The following AGPAT4 variants were observed in gnomAD, a reference collection of about 807,000 sequenced individuals.
The protein encoded by AGPAT4 is 1-acylglycerol-3-phosphate O-acyltransferase 4.
In AGPAT4, 15 loss-of-function variants were observed where a neutral mutation model predicts 48.0. That is an observed-to-expected ratio of 0.31 (90% CI 0.21 to 0.48). The LOEUF (loss-of-function observed/expected upper bound fraction) is 0.48, where lower values mean the gene tolerates loss of function less well. AGPAT4 is among the 20% of genes least tolerant of loss of function. The pLI is 0.99. For missense variants in AGPAT4, 314 were observed against 482.5 expected (o/e 0.65, Z 3.27); for synonymous variants, 178 against 198.7 (o/e 0.90, Z 0.88).
chr6:161,152,905 C>A (rs1381539377), intron 5 of AGPAT4, among the ~76,000 whole-genome samples: 1 of 151,978 alleles, frequency 6.6e-6, no homozygotes, highest in Non-Finnish European at 1.5e-5. Flanking sequence ...TTGCTATTTT[C>A]TTCTTCTTAC....
Position 161,267,623 on chromosome 6 carries a change from G to A in AGPAT4, c.-90+6315C>T, listed in dbSNP as rs569825620. ...TATAGTCCCAGCTACTCAGGAGGCT[G>A]AGGCAGGAGAATCGCTTGAACCCAG... On this transcript the variant is annotated intron_variant, in intron 1 of 8. Coordinates refer to ENST00000320285, the MANE Select transcript of AGPAT4 (RefSeq NM_020133.3). This position sits in a 1 kb window ranked among gnomAD's most constrained non-coding sequence, Gnocchi z 5.2. Among the ~76,000 whole-genome samples, 97 of 152,206 alleles carry A rather than the reference G, an allele frequency of 6.4e-4. No homozygotes were observed. The highest frequency in any genetic ancestry group is 2.2e-3 in the African/African-American group (92 of 41,522).
At position 161,240,261 on chromosome 6, in the gene AGPAT4, CACACACTT is replaced by C. The variant is rs912260254; in HGVS notation, c.-89-7967_-89-7960del. On this transcript the variant is annotated intron_variant, in intron 1 of 8. Transcript: ENST00000320285. The surrounding 1 kb of genome is among the most constrained non-coding windows in gnomAD (Gnocchi z 5.5). ...ACACACACACACACACACACACACA[CACACACTT>C]AAACAAGTCTGTCCACCTGGAAGCC... 7.8e-6 allele frequency among the ~76,000 whole-genome samples: 1 copy of C among 128,086 alleles called. No individual in the cohort carries two copies. The highest frequency in any genetic ancestry group is 2.9e-5 in the African/African-American group (1 of 34,818). The allele number at this position is 128,086 out of a possible 152,430, so 84.0% of individuals were successfully genotyped here. A position where few individuals can be genotyped will look rare whatever the true frequency, so the allele number is the denominator to read the frequency against.
rs1248232617 is a variant in AGPAT4 at position 161,245,681 on chromosome 6, C to G, written c.-89-13379G>C. 2.0e-5 allele frequency among the ~76,000 whole-genome samples: 3 copies of G among 152,124 alleles called. No individual in the cohort carries two copies. The East Asian group carries it at 5.8e-4, about 29-fold the overall frequency. On this transcript the variant is annotated intron_variant, in intron 1 of 8. Transcript: ENST00000320285. This position sits in a 1 kb window ranked among gnomAD's most constrained non-coding sequence, Gnocchi z 5.2. The stretch of plus-strand genomic sequence containing the variant: ...CTCTTTTCTCTTTGGTAGGCCCCTC[C>G]CTCTCCTACTCACTGTCCGTGAAGT...
chr6:161,172,978 C>T (rs1047108356), intron 2 of AGPAT4, among the ~76,000 whole-genome samples: 2 of 152,108 alleles, frequency 1.3e-5, no homozygotes, highest in African/African-American at 2.4e-5. Flanking sequence ...TGAACTCATC[C>T]TTTTTTATGG....
In AGPAT4 at chr6:161,134,401, A is replaced by AAAAAT. The variant is rs896421810; in HGVS notation, c.*2134_*2138dup. On this transcript the variant is annotated 3_prime_UTR_variant, in exon 9 of 9. Transcript: ENST00000320285. The stretch of plus-strand genomic sequence containing the variant: ...TGTTGAATGGAAGAATGAAAATGAG[A>AAAAAT]AAAATAACACATTTTTAGTACGACA... 6.6e-6 allele frequency: 1 copy of AAAAAT among 152,170 alleles called. No homozygotes were observed. Among genetic ancestry groups the AAAAAT allele is most frequent in the Non-Finnish European group, 1.5e-5 (1 of 68,028 alleles). The allele number at this position is 152,170 out of a possible 1,614,324, so 9.4% of individuals were successfully genotyped here. A position where few individuals can be genotyped will look rare whatever the true frequency, so the allele number is the denominator to read the frequency against.
At chr6:161,181,764 T>C (rs954434922) in intron 2 of AGPAT4, among the ~76,000 whole-genome samples, 1 of 151,970 alleles carries the variant, frequency 6.6e-6, no homozygotes, top group African/African-American at 2.4e-5. Flanking sequence ...CACTCACACG[T>C]CCGCACCATC....
At position 161,144,352 on chromosome 6, in the gene AGPAT4, GA is replaced by G; in HGVS notation, c.843+2171del. 4 of 385,204 alleles carry G rather than the reference GA, an allele frequency of 1.0e-5. No homozygotes were observed. Among genetic ancestry groups the G allele is most frequent in the South Asian group, 7.7e-5 (4 of 51,666 alleles). The allele number at this position is 385,204 out of a possible 1,614,324, so 23.9% of individuals were successfully genotyped here. Reference sequence around the variant, plus strand: ...ACTGGGTAAATCACTTCATCTTTCGGACCTGAATTTCCTCATCAGTAGTGTA... The same window carrying G: ...ACTGGGTAAATCACTTCATCTTTCGGCCTGAATTTCCTCATCAGTAGTGTA... On this transcript the variant is annotated intron_variant, in intron 7 of 8. Transcript: ENST00000320285. The surrounding 1 kb of genome is among the most constrained non-coding windows in gnomAD (Gnocchi z 6.6).
In AGPAT4 at chr6:161,221,521, C is replaced by T. The variant is rs1583342949; in HGVS notation, c.178+10515G>A. Among the ~76,000 whole-genome samples, 2 of 152,140 alleles carry T rather than the reference C, an allele frequency of 1.3e-5. No individual in the cohort carries two copies. Among genetic ancestry groups the T allele is most frequent in the Non-Finnish European group, 2.9e-5 (2 of 68,022 alleles). ...AGAAATAGATACCATATTAATGTGT[C>T]ATTTATCACGAAACTGGACTTCACT... On this transcript the variant is annotated intron_variant, in intron 2 of 8. Coordinates refer to ENST00000320285, the MANE Select transcript of AGPAT4 (RefSeq NM_020133.3). The surrounding 1 kb of genome is among the most constrained non-coding windows in gnomAD (Gnocchi z 4.5).
At position 161,200,541 on chromosome 6, in the gene AGPAT4, T is replaced by C. The variant is rs1314012761; in HGVS notation, c.178+31495A>G. Among the ~76,000 whole-genome samples, 1 of 152,228 alleles carries C rather than the reference T, an allele frequency of 6.6e-6. No homozygotes were observed. Among genetic ancestry groups the C allele is most frequent in the African/African-American group, 2.4e-5 (1 of 41,466 alleles). On this transcript the variant is annotated intron_variant, in intron 2 of 8. Coordinates refer to ENST00000320285, the MANE Select transcript of AGPAT4 (RefSeq NM_020133.3). This position sits in a 1 kb window ranked among gnomAD's most constrained non-coding sequence, Gnocchi z 5.5. ...TCTGGACAAGGGGAAAAACAGTGTGTGTGCTTGGGCATAACCACAGGGTAG... is the reference window on the plus strand; with the variant it reads ...TCTGGACAAGGGGAAAAACAGTGTGCGTGCTTGGGCATAACCACAGGGTAG...
chr6:161,170,172 C>A (rs1780222739), intron 2 of AGPAT4, among the ~76,000 whole-genome samples: 1 of 152,116 alleles, frequency 6.6e-6, no homozygotes, highest in African/African-American at 2.4e-5. Context: ...CAGTTTATAT[C>A]CATCGCCCCT....
chr6:161,177,692 C>T lies in AGPAT4; in HGVS notation c.179-11275G>A, dbSNP rs868323333. On this transcript the variant is annotated intron_variant, in intron 2 of 8. Coordinates refer to ENST00000320285, the MANE Select transcript of AGPAT4 (RefSeq NM_020133.3). The surrounding 1 kb of genome is among the most constrained non-coding windows in gnomAD (Gnocchi z 5.0). ...TCCGTCCAGCTTTCTTCCATTGCTGCGAGGAGCTGCATTCCTTTGGAGTAG... is the reference window on the plus strand; with the variant it reads ...TCCGTCCAGCTTTCTTCCATTGCTGTGAGGAGCTGCATTCCTTTGGAGTAG... Among the ~76,000 whole-genome samples, 12 of 152,270 alleles carry T rather than the reference C, an allele frequency of 7.9e-5. No individual in the cohort carries two copies. Among genetic ancestry groups the T allele is most frequent in the South Asian group, 6.2e-4 (3 of 4,828 alleles).
Position 161,146,696 on chromosome 6 carries a change from G to T in AGPAT4, c.768-97C>A. ...GCTGCCGTTTTTTGTTTTTATCTGG[G>T]TCACCTAAATAATGTGGAACTGAAG... is the stretch of plus-strand genomic sequence containing the variant. On this transcript the variant is annotated intron_variant, in intron 6 of 8. Coordinates refer to ENST00000320285, the MANE Select transcript of AGPAT4 (RefSeq NM_020133.3). The surrounding 1 kb of genome is among the most constrained non-coding windows in gnomAD (Gnocchi z 7.1). 1 of 1,101,408 alleles carries T rather than the reference G, an allele frequency of 9.1e-7. No individual in the cohort carries two copies. The highest frequency in any genetic ancestry group is 1.4e-6 in the Non-Finnish European group (1 of 731,216). The allele number at this position is 1,101,408 out of a possible 1,614,324, so 68.2% of individuals were successfully genotyped here.
Position 161,232,267 on chromosome 6 carries a change from C to A in AGPAT4, c.-54G>T. 1.3e-6 allele frequency: 2 copies of A among 1,538,660 alleles called. No homozygotes were observed. Among genetic ancestry groups the A allele is most frequent in the Admixed American group, 1.8e-5 (1 of 54,980 alleles). The stretch of plus-strand genomic sequence containing the variant: ...AATAACTACCCACAGTCAAAGATTT[C>A]CAGAAGGAAGAAAGATCCAGGACTC... On this transcript the variant is annotated 5_prime_UTR_variant, in exon 2 of 9. Coordinates refer to ENST00000320285, the MANE Select transcript of AGPAT4 (RefSeq NM_020133.3). This position sits in a 1 kb window ranked among gnomAD's most constrained non-coding sequence, Gnocchi z 6.8.
In AGPAT4 at chr6:161,134,909, C is replaced by T. The variant is rs1488158874; in HGVS notation, c.*1631G>A. The T allele has an allele frequency of 6.6e-6, 1 of 152,316 alleles. No individual in the cohort carries two copies. Among genetic ancestry groups the T allele is most frequent in the Non-Finnish European group, 1.5e-5 (1 of 68,088 alleles). 9.4% of individuals were successfully genotyped at this position (152,316 alleles called of 1,614,324 possible). ...CTGCAGGGCCGCCAGCGAGTTAACT[C>T]AGGCCCTAGGCTCTGCAGTACGCTC... is the stretch of plus-strand genomic sequence containing the variant. On this transcript the variant is annotated 3_prime_UTR_variant, in exon 9 of 9. Transcript: ENST00000320285.
At position 161,259,420 on chromosome 6, in the gene AGPAT4, G is replaced by A. The variant is rs2114747232; in HGVS notation, c.-90+14518C>T. 6.6e-6 allele frequency among the ~76,000 whole-genome samples: 1 copy of A among 152,190 alleles called. No homozygotes were observed. The highest frequency in any genetic ancestry group is 2.4e-5 in the African/African-American group (1 of 41,562). ...GTCCGCAGCGCGTATGCTTTGAGTT[G>A]CTGGTGATCACGGACTTTTGTAGAG... On this transcript the variant is annotated intron_variant, in intron 1 of 8. Coordinates refer to ENST00000320285, the MANE Select transcript of AGPAT4 (RefSeq NM_020133.3). The surrounding 1 kb of genome is among the most constrained non-coding windows in gnomAD (Gnocchi z 4.9).
At chr6:161,210,061 C>G (rs1781483097) in intron 2 of AGPAT4, among the ~76,000 whole-genome samples, 1 of 152,186 alleles carries the variant, frequency 6.6e-6, no homozygotes, top group Non-Finnish European at 1.5e-5. Context: ...GTAAAAGCGT[C>G]TAACCTCATA....
intron 4 of AGPAT4, among the ~76,000 whole-genome samples, chr6:161,153,749 A>C (rs1265863432): frequency 7.8e-6 from 1 of 128,154 alleles, no homozygotes; most frequent in African/African-American, 3.1e-5. Flanking sequence ...ACATATGGCC[A>C]CACGATCACA....
chr6:161,200,216 C>T lies in AGPAT4; in HGVS notation c.178+31820G>A, dbSNP rs531482301. Reference sequence around the variant, plus strand: ...TGAGAAAAAATGTCAAATTGTACATCACTTCTATGAGAAAATCACAGCAGA... The same window carrying T: ...TGAGAAAAAATGTCAAATTGTACATTACTTCTATGAGAAAATCACAGCAGA... On this transcript the variant is annotated intron_variant, in intron 2 of 8. Coordinates refer to ENST00000320285, the MANE Select transcript of AGPAT4 (RefSeq NM_020133.3). The surrounding 1 kb of genome is among the most constrained non-coding windows in gnomAD (Gnocchi z 5.5). Among the ~76,000 whole-genome samples the T allele has an allele frequency of 1.1e-4, 16 of 152,226 alleles. No homozygotes were observed. Among genetic ancestry groups the T allele is most frequent in the Non-Finnish European group, 2.4e-4 (16 of 68,048 alleles).
In AGPAT4 at chr6:161,207,459, A is replaced by G. The variant is rs1373530430; in HGVS notation, c.178+24577T>C. The stretch of plus-strand genomic sequence containing the variant: ...GTGAAGATGCTATAAAGCTGGGTGA[A>G]CACATTTAGTAAGAAGATAAAACAA... On this transcript the variant is annotated intron_variant, in intron 2 of 8. Transcript: ENST00000320285. Among the ~76,000 whole-genome samples the G allele has an allele frequency of 2.0e-5, 3 of 152,192 alleles. No individual in the cohort carries two copies. The East Asian group carries it at 5.8e-4, about 29-fold the overall frequency.
Sources: gnomAD v4.1 joint callset for allele counts (sites outside exome capture counted in the v4.1 genomes callset) on GRCh38, gnomAD v4.1.1 for gene constraint, Gnocchi (gnomAD v3.1) non-coding constraint, MANE v1.5 for transcripts, NCBI Gene and HGNC (gene_info 2026-07-23, HGNC 2026-07-21) for gene names.